The following DAAM1 variants were observed in gnomAD, a reference collection of about 807,000 sequenced individuals.
The protein encoded by DAAM1 is dishevelled associated activator of morphogenesis 1, also known as disheveled-associated activator of morphogenesis 1.
DAAM1 carries 52 observed loss-of-function variants against 130.0 expected under a neutral mutation model. That is an observed-to-expected ratio of 0.40 (90% confidence interval 0.32 to 0.50). DAAM1 has a LOEUF of 0.50. Among genes scored for constraint, DAAM1 ranks in the 20% least tolerant of loss-of-function variants. The probability of loss-of-function intolerance (pLI) is 0.61; values close to 1 mark genes in which losing one functional copy is unlikely to be tolerated. For missense variants in DAAM1, 1,134 were observed against 1,303.8 expected (o/e 0.87, Z 2.01); for synonymous variants, 452 against 444.5 (o/e 1.02, Z -0.21).
At chr14:59,367,685 C>A in intron 24 of DAAM1, 86 bp downstream of exon 24, 3 of 1,473,788 alleles carry the variant, frequency 2.0e-6, no homozygotes, top group Non-Finnish European at 2.7e-6. Context: ...AGCACTCTGA[C>A]CTGGCAGGAA....
intron 1 of DAAM1, among the ~76,000 whole-genome samples, chr14:59,238,244 C>T (rs1354038538): frequency 6.6e-6 from 1 of 152,002 alleles, no homozygotes; most frequent in African/African-American, 2.4e-5. Flanking sequence ...TTTTCAAATC[C>T]CTTGCCTTCC....
intron 2 of DAAM1, among the ~76,000 whole-genome samples, chr14:59,269,646 G>C (rs1294739077): frequency 6.6e-6 from 1 of 152,212 alleles, no homozygotes; most frequent in East Asian, 1.9e-4. Context: ...GGGAAGGAGG[G>C]TGCTGTTCAC....
chr14:59,357,102 C>T (rs903438856), intron 20 of DAAM1, among the ~76,000 whole-genome samples: 2 of 152,194 alleles, frequency 1.3e-5, no homozygotes, highest in African/African-American at 4.8e-5. Context: ...GTTGCTGTTC[C>T]TTCTTTTAAG....
chr14:59,217,327 C>T (rs1888614189), intron 1 of DAAM1, among the ~76,000 whole-genome samples: 1 of 152,146 alleles, frequency 6.6e-6, no homozygotes, highest in Non-Finnish European at 1.5e-5. Context: ...CATGTACCCA[C>T]CTTCAACTTG....
chr14:59,243,788 T>A (rs558152009), intron 1 of DAAM1, among the ~76,000 whole-genome samples: 2 of 152,280 alleles, frequency 1.3e-5, no homozygotes, highest in Admixed American at 6.5e-5. Context: ...TATTAATTAT[T>A]TGTAGTGGGA....
intron 1 of DAAM1, among the ~76,000 whole-genome samples, chr14:59,227,892 G>A (rs993320077): frequency 3.3e-5 from 5 of 152,128 alleles, no homozygotes; most frequent in African/African-American, 4.8e-5. Context: ...CCAGTGAGAC[G>A]CGGGGATTTC....
At chr14:59,288,302 T>C (rs1883553973) in intron 2 of DAAM1, among the ~76,000 whole-genome samples, 1 of 152,154 alleles carries the variant, frequency 6.6e-6, no homozygotes, top group South Asian at 2.1e-4. Context: ...CTGTAAGACC[T>C]AAAACAATGA....
intron 3 of DAAM1, among the ~76,000 whole-genome samples, chr14:59,306,962 G>A (rs771183248): frequency 1.3e-4 from 20 of 152,176 alleles, no homozygotes; most frequent in Non-Finnish European, 2.4e-4. Context: ...GCCAGCCTGG[G>A]CATTTAGGTA....
At chr14:59,207,574 G>A (rs185331980) in intron 1 of DAAM1, among the ~76,000 whole-genome samples, 171 of 152,232 alleles carry the variant, frequency 1.1e-3, no homozygotes, top group South Asian at 2.7e-3. Context: ...TGACTTCATC[G>A]TGGGTATTAA....
At chr14:59,363,140 G>C (rs1886776897) in intron 22 of DAAM1, 6 of 156,798 alleles carry the variant, frequency 3.8e-5, no homozygotes. Context: ...ATGGACAAGA[G>C]AAAAATGGTA....
Position 59,340,194 on chromosome 14 carries a change from T to G in DAAM1, c.2075+14T>G, listed in dbSNP as rs971959677. On this transcript the variant is annotated intron_variant, in intron 16 of 24. Transcript: ENST00000360909. ...CCTTCTATCGAGGTATTGTTGATGT[T>G]GAATAAACATTTCTAGTAGGACCAA... 6.2e-7 allele frequency: 1 copy of G among 1,606,954 alleles called. No homozygotes were observed. The highest frequency in any genetic ancestry group is 8.5e-7 in the Non-Finnish European group (1 of 1,174,524).
rs753509615 is a variant in DAAM1 at position 59,355,329 on chromosome 14, G to A, written c.2521G>A (p.Asp841Asn). Residue 841 changes from aspartate (D) to asparagine (N), a missense_variant, in exon 20 of 25, where the codon GAC (aspartate) becomes AAC (asparagine). By Grantham distance (23) the Asp-to-Asn change is conservative. This residue lies in a region of DAAM1 where 644 missense variants were observed against 695.9 expected (regional missense o/e 0.93). Transcript: ENST00000360909. ...AATTGCTGACACAAAATCCAGCATC[G>A]ACAAGTAAGTATGAGATCTTCCAAC... ...NKIADTKSSI[D>N]KNITLLHYLI... 15 of 1,613,734 alleles carry A rather than the reference G, an allele frequency of 9.3e-6. No individual in the cohort carries two copies. In the Admixed American group the frequency reaches 1.2e-4, roughly 13 times the overall value.
chr14:59,212,028 A>G (rs751409942), intron 1 of DAAM1, among the ~76,000 whole-genome samples: 4 of 152,190 alleles, frequency 2.6e-5, no homozygotes, highest in Non-Finnish European at 5.9e-5. Flanking sequence ...TGTGATTGCT[A>G]GATTCACATT....
chr14:59,370,153 T>G lies in DAAM1; in HGVS notation c.*1294T>G, dbSNP rs988672735. Reference sequence around the variant, plus strand: ...GACTGTTACTTTTTTACTTTTTTTTTTTTTTTTTTTTTTTTTTGGCTTTGC... The same window carrying G: ...GACTGTTACTTTTTTACTTTTTTTTGTTTTTTTTTTTTTTTTTGGCTTTGC... On this transcript the variant is annotated 3_prime_UTR_variant, in exon 25 of 25. Transcript: ENST00000360909. 1.2e-5 allele frequency: 1 copy of G among 80,620 alleles called. No homozygotes were observed. The highest frequency in any genetic ancestry group is 2.3e-5 in the Non-Finnish European group (1 of 44,340). The allele number at this position is 80,620 out of a possible 1,614,324, so 5.0% of individuals were successfully genotyped here. A position where few individuals can be genotyped will look rare whatever the true frequency, so the allele number is the denominator to read the frequency against.
chr14:59,208,010 T>C (rs1396128177), intron 1 of DAAM1, among the ~76,000 whole-genome samples: 2 of 152,160 alleles, frequency 1.3e-5, no homozygotes, highest in Non-Finnish European at 2.9e-5. Flanking sequence ...GAAAAGTACA[T>C]AGAAATAGAT....
At chr14:59,301,480 C>T (rs1884171131) in intron 3 of DAAM1, among the ~76,000 whole-genome samples, 1 of 151,922 alleles carries the variant, frequency 6.6e-6, no homozygotes, top group Non-Finnish European at 1.5e-5. Context: ...CTGTTTGCAC[C>T]CTGATTTCCA....
chr14:59,315,267 C>T lies in DAAM1; in HGVS notation c.274-13C>T, dbSNP rs764144646. 1.9e-6 allele frequency: 3 copies of T among 1,612,892 alleles called. No individual in the cohort carries two copies. Among genetic ancestry groups the T allele is most frequent in the Admixed American group, 1.7e-5 (1 of 59,984 alleles). ...TGTTGGGTGGTATGTCACTTTTTTTCCCCCCTTTTTAGGACCAGGAAGAAA... is the reference window on the plus strand; with the variant it reads ...TGTTGGGTGGTATGTCACTTTTTTTTCCCCCTTTTTAGGACCAGGAAGAAA... On this transcript the variant is annotated splice_polypyrimidine_tract_variant and intron_variant, in intron 3 of 24. Coordinates refer to ENST00000360909, the MANE Select transcript of DAAM1 (RefSeq NM_001270520.2).
chr14:59,225,721 G>A (rs547211264), intron 1 of DAAM1, among the ~76,000 whole-genome samples: 1 of 152,302 alleles, frequency 6.6e-6, no homozygotes, highest in East Asian at 1.9e-4. Flanking sequence ...GCCAGCTTTA[G>A]CCCTGCTGGT....
At chr14:59,305,695 T>C (rs1884352159) in intron 3 of DAAM1, among the ~76,000 whole-genome samples, 1 of 152,200 alleles carries the variant, frequency 6.6e-6, no homozygotes, top group African/African-American at 2.4e-5. Flanking sequence ...AGAGGGCTCC[T>C]GAACCCTTAC....
Sources: allele counts gnomAD v4.1 joint callset (sites outside exome capture counted in the v4.1 genomes callset), GRCh38; gene constraint gnomAD v4.1.1; regional missense constraint gnomAD v4.1.1; transcripts MANE v1.5; gene names NCBI Gene and HGNC (gene_info 2026-07-23, HGNC 2026-07-21).